Variants in VWDE observed in about 807,000 individuals in gnomAD.
VWDE encodes the protein von Willebrand factor D and EGF domains, also known as von Willebrand factor D and EGF domain-containing protein.
VWDE carries 207 observed loss-of-function variants against 178.4 expected under a neutral mutation model. The observed-to-expected ratio is 1.16, with a 90% CI of 1.04 to 1.30. VWDE has a LOEUF of 1.30. Ranked by LOEUF, VWDE falls within the 50% of genes most tolerant of loss-of-function variation. The pLI is 0.00. For missense variants in VWDE, 2,287 were observed against 1,901.3 expected, an observed-to-expected ratio of 1.20 and a Z score of -3.77; for synonymous variants, 738 against 651.4, an observed-to-expected ratio of 1.13 and a Z score of -2.02.
rs1311190423 is a variant in VWDE at position 12,342,151 on chromosome 7, A to T, written c.4178T>A (p.Val1393Asp). Residue 1393 changes from valine (V) to aspartate (D), a missense_variant, in exon 23 of 29, where the codon GTT becomes GAT. Coordinates refer to ENST00000275358, the MANE Select transcript of VWDE (RefSeq NM_001135924.3). ...GFVGPRCETM[V>D]CNRHCENGGQ... ...TCCATTTTCACAGTGCCTGTTACAA[A>T]CCACTGAGATCATAGAATAAAGAGA... 4.5e-6 allele frequency: 7 copies of T among 1,550,922 alleles called. No individual in the cohort carries two copies. Among genetic ancestry groups the T allele is most frequent in the Non-Finnish European group, 6.1e-6 (7 of 1,146,532 alleles).
In VWDE at chr7:12,375,181, C is replaced by T. The variant is rs989613680; in HGVS notation, c.1071G>A (p.Val357=). The change falls in exon 8 of 29, where the codon GTG becomes GTA. Residue 357 remains valine (V), a synonymous_variant. Coordinates refer to ENST00000275358, the MANE Select transcript of VWDE (RefSeq NM_001135924.3). ...CACAGGAAGATGTCTGGAGAAGGTC[C>T]ACATGACAGGAAGACAGTGCCAAAT... ...GLNLALSSCH[V]DLLQTSSCAN... is the part of the protein sequence containing the mutation. 6.4e-7 allele frequency: 1 copy of T among 1,551,092 alleles called. No individual in the cohort carries two copies. The highest frequency in any genetic ancestry group is 8.7e-7 in the Non-Finnish European group (1 of 1,146,568).
At chr7:12,374,594 G>T in intron 9 of VWDE, 95 bp downstream of exon 9, 2 of 833,764 alleles carry the variant, frequency 2.4e-6, no homozygotes, top group Non-Finnish European at 3.7e-6. Context: ...TCAGTGACTA[G>T]GACTAAAAAA....
chr7:12,396,298 G>C (rs2128563622), intron 1 of VWDE, among the ~76,000 whole-genome samples: 1 of 152,130 alleles, frequency 6.6e-6, no homozygotes, highest in Non-Finnish European at 1.5e-5. Context: ...TTCAGAACTG[G>C]TTAATAAACA....
intron 27 of VWDE, among the ~76,000 whole-genome samples, chr7:12,334,014 T>A (rs1361430393): frequency 6.6e-6 from 1 of 152,116 alleles, no homozygotes; most frequent in Non-Finnish European, 1.5e-5. Context: ...AAGTTTAATG[T>A]GAAATAACTA....
In VWDE at chr7:12,379,462, C is replaced by G. The variant is rs762415321; in HGVS notation, c.879+15G>C. On this transcript the variant is annotated intron_variant, in intron 6 of 28. Transcript: ENST00000275358. ...AGAGGAATAATCTTTCTGATGCATC[C>G]CCACTGCTGCGTACCTTAAAGCCTG... The G allele has an allele frequency of 5.9e-6, 9 of 1,523,768 alleles. No individual in the cohort carries two copies. The highest frequency in any genetic ancestry group is 5.3e-6 in the Non-Finnish European group (6 of 1,125,346). The allele number at this position is 1,523,768 out of a possible 1,614,324, so 94.4% of individuals were successfully genotyped here.
intron 15 of VWDE, among the ~76,000 whole-genome samples, chr7:12,360,045 T>A (rs1028038491): frequency 1.3e-5 from 2 of 152,158 alleles, no homozygotes; most frequent in African/African-American, 4.8e-5. Flanking sequence ...TTCTTTTTTT[T>A]CCTCCACAAT....
intron 19 of VWDE, among the ~76,000 whole-genome samples, chr7:12,344,775 G>C (rs890572035): frequency 6.6e-6 from 1 of 152,124 alleles, no homozygotes; most frequent in Non-Finnish European, 1.5e-5. Context: ...TGAGAAGATA[G>C]AAACAATGCC....
chr7:12,384,004 G>C (rs1467288891), intron 3 of VWDE, among the ~76,000 whole-genome samples: 1 of 152,056 alleles, frequency 6.6e-6, no homozygotes, highest in African/African-American at 2.4e-5. Context: ...GCTCCTCTAT[G>C]TTTACCCAAA....
At chr7:12,371,670 C>T (rs1446274240) in intron 10 of VWDE, among the ~76,000 whole-genome samples, 1 of 152,036 alleles carries the variant, frequency 6.6e-6, no homozygotes, top group Non-Finnish European at 1.5e-5. Flanking sequence ...CTTTCCAAAC[C>T]AACTTAAGGT....
intron 18 of VWDE, 25 bp downstream of exon 18, chr7:12,356,086 T>C (rs1329194049): frequency 4.5e-6 from 7 of 1,539,940 alleles, no homozygotes; most frequent in Non-Finnish European, 4.4e-6. Context: ...TTCTTTCTAA[T>C]TTGTTATGAG....
intron 1 of VWDE, among the ~76,000 whole-genome samples, chr7:12,402,921 G>T (rs1784976238): frequency 6.6e-6 from 1 of 151,950 alleles, no homozygotes; most frequent in Non-Finnish European, 1.5e-5. Context: ...GACTTTTTCT[G>T]AAAAACGTAA....
rs182674278 is a variant in VWDE, at chr7:12,361,486, G to A, written c.2934C>T (p.Ile978=). The A allele has an allele frequency of 8.3e-4, 1,283 of 1,550,654 alleles. 13 individuals carry two copies. The African/African-American group carries it at 0.015, about 19-fold the overall frequency. The change falls in exon 14 of 29, where the codon ATC becomes ATT. Residue 978 remains isoleucine (I), a synonymous_variant. Transcript: ENST00000275358. ...TATTGTGGAAAACAGTCTGTGTATA[G>A]ATGGGTTCTCCAGGCATCCATTCAC... ...NSSEWMPGEP[I]YTQTVFHNSR... is the part of the protein sequence containing the mutation.
chr7:12,338,539 GAAAT>G (rs1377648740), intron 24 of VWDE, among the ~76,000 whole-genome samples: 3 of 151,926 alleles, frequency 2.0e-5, no homozygotes, highest in Admixed American at 2.0e-4. Context: ...TTGAAGTGTA[GAAAT>G]AAATTATTTA....
chr7:12,393,924 C>T (rs954302886), intron 1 of VWDE, 146 bp from the exon 2 acceptor site: 5 of 575,510 alleles, frequency 8.7e-6, no homozygotes, highest in Non-Finnish European at 1.4e-5. Context: ...GTCAGGGTCT[C>T]TTAGTAAGTC....
At chr7:12,346,026 T>C (rs1781578903) in intron 19 of VWDE, among the ~76,000 whole-genome samples, 1 of 152,154 alleles carries the variant, frequency 6.6e-6, no homozygotes, top group Admixed American at 6.6e-5. Flanking sequence ...CTACCTGAAA[T>C]ATTTTACATT....
At chr7:12,361,973 G>A (rs1178233332) in intron 13 of VWDE, among the ~76,000 whole-genome samples, 1 of 151,898 alleles carries the variant, frequency 6.6e-6, no homozygotes, top group Non-Finnish European at 1.5e-5. Context: ...ATTCCTATAT[G>A]ACCAATCTCC....
intron 28 of VWDE, among the ~76,000 whole-genome samples, chr7:12,331,933 T>G (rs563701324): frequency 6.6e-6 from 1 of 152,146 alleles, no homozygotes. Context: ...TTCTTTTTCA[T>G]TGAAATTCTA....
At chr7:12,358,063 T>C (rs754130270) in intron 16 of VWDE, among the ~76,000 whole-genome samples, 5 of 152,134 alleles carry the variant, frequency 3.3e-5, no homozygotes, top group Non-Finnish European at 7.4e-5. Context: ...TTCCAGTGGC[T>C]GAGTGCACAC....
chr7:12,343,085 GT>G lies in VWDE; in HGVS notation c.4171del (p.Thr1391GlnfsTer79), dbSNP rs1781414044. On this transcript the variant is annotated frameshift_variant, in exon 22 of 29. Coordinates refer to ENST00000275358, the MANE Select transcript of VWDE (RefSeq NM_001135924.3). LOFTEE classifies it high-confidence loss of function. ...GACATCAGGAGAGCTTTGCTTACTTGTTTCACACCTTGGTCCTACAAAACCA... is the reference window on the plus strand; with the variant it reads ...GACATCAGGAGAGCTTTGCTTACTTGTTCACACCTTGGTCCTACAAAACCA... ...PYGFVGPRCE[T>X]MVCNRHCENG... is the part of the protein sequence containing the mutation. 6.5e-7 allele frequency: 1 copy of G among 1,547,898 alleles called. No individual in the cohort carries two copies.
Sources: gnomAD v4.1 joint callset for allele counts (sites outside exome capture counted in the v4.1 genomes callset) on GRCh38, gnomAD v4.1.1 for gene constraint, MANE v1.5 for transcripts, NCBI Gene and HGNC (gene_info 2026-07-23, HGNC 2026-07-21) for gene names.